RAB10: variants seen among roughly 807,000 people sequenced by gnomAD.
RAB10 encodes the protein ras-related protein Rab-10.
In RAB10, 5 loss-of-function variants were observed where a neutral mutation model predicts 25.7. The observed-to-expected ratio is 0.19, with a 90% confidence interval of 0.10 to 0.41. The LOEUF is 0.41. Among genes scored for constraint, RAB10 ranks in the 10% least tolerant of loss-of-function variants. RAB10 has a pLI of 1.00. For synonymous variants in RAB10, 89 were observed against 86.4 expected (o/e 1.03, Z -0.16); for missense variants, 103 against 245.8 (o/e 0.42, Z 3.89).
chr2:26,067,357 G>A (rs186394689), intron 1 of RAB10, among the ~76,000 whole-genome samples: 4 of 152,294 alleles, frequency 2.6e-5, no homozygotes, highest in African/African-American at 7.2e-5. Flanking sequence ...CAATGAAAAG[G>A]TCATTGTAGC....
intron 1 of RAB10, among the ~76,000 whole-genome samples, chr2:26,074,953 A>G (rs1415628355): frequency 4.6e-5 from 7 of 152,232 alleles, no homozygotes; most frequent in Admixed American, 2.6e-4. Flanking sequence ...AATGTTAATA[A>G]AAACAGTAAT....
At chr2:26,112,722 C>T (rs1667599678) in intron 3 of RAB10, among the ~76,000 whole-genome samples, 1 of 152,070 alleles carries the variant, frequency 6.6e-6, no homozygotes, top group South Asian at 2.1e-4. Flanking sequence ...ATTATCATAC[C>T]ACTGTGCTTC....
At chr2:26,131,831 A>C (rs954042191) in intron 5 of RAB10, among the ~76,000 whole-genome samples, 1 of 152,238 alleles carries the variant, frequency 6.6e-6, no homozygotes, top group African/African-American at 2.4e-5. Flanking sequence ...TACTATAAGC[A>C]AAATAATTTT....
intron 1 of RAB10, among the ~76,000 whole-genome samples, chr2:26,068,122 T>C (rs1295761293): frequency 2.0e-5 from 3 of 152,088 alleles, no homozygotes; most frequent in Non-Finnish European, 2.9e-5. Flanking sequence ...ACATGAGATA[T>C]GATTAGAAGT....
chr2:26,101,080 G>A (rs1261911716), intron 2 of RAB10, among the ~76,000 whole-genome samples: 1 of 152,102 alleles, frequency 6.6e-6, no homozygotes. Flanking sequence ...AGTGAAATAC[G>A]AACAGTAAGC....
chr2:26,099,531 GGTTT>G (rs1353088501), intron 2 of RAB10, among the ~76,000 whole-genome samples: 199 of 106,122 alleles, frequency 1.9e-3, no homozygotes, highest in African/African-American at 6.3e-3. Context: ...TGTTTTTTTG[GGTTT>G]TTTTTTTTTT....
chr2:26,054,390 A>G (rs941524600), intron 1 of RAB10, among the ~76,000 whole-genome samples: 1 of 152,052 alleles, frequency 6.6e-6, no homozygotes, highest in African/African-American at 2.4e-5. Flanking sequence ...GGGTTTCACC[A>G]TGTTGGCCAG....
chr2:26,058,696 G>A (rs1666322585), intron 1 of RAB10, among the ~76,000 whole-genome samples: 1 of 152,214 alleles, frequency 6.6e-6, no homozygotes, highest in Non-Finnish European at 1.5e-5. Context: ...CTGTGCGCTT[G>A]TTGTTCTCTG....
intron 1 of RAB10, among the ~76,000 whole-genome samples, chr2:26,079,824 C>T (rs1666829401): frequency 6.6e-6 from 1 of 152,118 alleles, no homozygotes; most frequent in African/African-American, 2.4e-5. Flanking sequence ...TGCCACCATG[C>T]CTGGCTAAAT....
intron 1 of RAB10, among the ~76,000 whole-genome samples, chr2:26,068,008 CTAGT>C (rs1559583398): frequency 6.6e-6 from 1 of 152,040 alleles, no homozygotes; most frequent in Non-Finnish European, 1.5e-5. Flanking sequence ...GAGTAGTTCT[CTAGT>C]TAGTAAAATG....
At position 26,057,683 on chromosome 2, in the gene RAB10, C is replaced by T. The variant is rs114847092; in HGVS notation, c.127+22948C>T. Among the ~76,000 whole-genome samples the T allele has an allele frequency of 5.1e-3, 755 of 148,692 alleles. 4 individuals are homozygous for T. The highest frequency in any genetic ancestry group is 0.018 in the African/African-American group (717 of 40,138). ...TTTCCCCAAGGCTGGAGTGCAGTGA[C>T]GCGATCGCTGCTGACTGCAACCTTC... is the stretch of plus-strand genomic sequence containing the variant. On this transcript the variant is annotated intron_variant, in intron 1 of 5. Coordinates refer to ENST00000264710, the MANE Select transcript of RAB10 (RefSeq NM_016131.5).
chr2:26,033,420 C>T (rs1010482351), upstream of RAB10, among the ~76,000 whole-genome samples: 2 of 152,236 alleles, frequency 1.3e-5, no homozygotes, highest in African/African-American at 2.4e-5. Flanking sequence ...GTGAGGATTA[C>T]CTCATCCCAA....
intron 1 of RAB10, among the ~76,000 whole-genome samples, chr2:26,053,121 A>G (rs1225290666): frequency 2.6e-5 from 4 of 152,210 alleles, no homozygotes; most frequent in African/African-American, 4.8e-5. Context: ...TGCTGTCTCA[A>G]CTGGAGGTTG....
intron 1 of RAB10, among the ~76,000 whole-genome samples, chr2:26,073,980 T>C (rs1666681496): frequency 1.3e-5 from 2 of 152,208 alleles, no homozygotes; most frequent in African/African-American, 4.8e-5. Context: ...GTTGAATATG[T>C]AGACCAGGGG....
intron 1 of RAB10, among the ~76,000 whole-genome samples, chr2:26,089,818 A>T (rs1667065946): frequency 6.6e-6 from 1 of 152,090 alleles, no homozygotes; most frequent in Non-Finnish European, 1.5e-5. Context: ...TCAATTAGTA[A>T]TAAATATTTT....
At position 26,050,121 on chromosome 2, in the gene RAB10, G is replaced by A. The variant is rs895214228; in HGVS notation, c.127+15386G>A. ...CAATACCTTTCTTTGTTGGTTTACT[G>A]CCTTTGAGCATATCATCCTATCGTA... On this transcript the variant is annotated intron_variant, in intron 1 of 5. Coordinates refer to ENST00000264710, the MANE Select transcript of RAB10 (RefSeq NM_016131.5). Among the ~76,000 whole-genome samples the A allele has an allele frequency of 4.6e-5, 7 of 152,166 alleles. No homozygotes were observed. In the East Asian group the frequency reaches 1.3e-3, roughly 29 times the overall value.
At chr2:26,073,122 T>C (rs2149271032) in intron 1 of RAB10, among the ~76,000 whole-genome samples, 1 of 152,334 alleles carries the variant, frequency 6.6e-6, no homozygotes, top group Non-Finnish European at 1.5e-5. Flanking sequence ...TGGTGTGTAT[T>C]GGTAGTTAGT....
rs765823888 is a variant in RAB10, at chr2:26,109,914, C to G, written c.327+8C>G. Reference sequence around the variant, plus strand: ...CTTAGAAACATAGATGAGGTAAGACCTAGAACTTGTATAAACCCTTCATGA... The same window carrying G: ...CTTAGAAACATAGATGAGGTAAGACGTAGAACTTGTATAAACCCTTCATGA... On this transcript the variant is annotated splice_region_variant and intron_variant, in intron 3 of 5. Coordinates refer to ENST00000264710, the MANE Select transcript of RAB10 (RefSeq NM_016131.5). The G allele has an allele frequency of 2.2e-5, 35 of 1,591,154 alleles. No individual in the cohort carries two copies. The highest frequency in any genetic ancestry group is 2.8e-5 in the Non-Finnish European group (33 of 1,170,844).
intron 1 of RAB10, among the ~76,000 whole-genome samples, chr2:26,088,030 G>A (rs1559589506): frequency 6.6e-6 from 1 of 152,186 alleles, no homozygotes. Context: ...GCATTCAAAC[G>A]ATACAGGTGT....
Sources: gnomAD v4.1 joint callset for allele counts (sites outside exome capture counted in the v4.1 genomes callset) on GRCh38, gnomAD v4.1.1 for gene constraint, MANE v1.5 for transcripts, NCBI Gene and HGNC (gene_info 2026-07-23, HGNC 2026-07-21) for gene names.